Variants in MRPS2 observed in about 807,000 individuals in gnomAD.
MRPS2 encodes mitochondrial ribosomal protein S2.
Under a neutral mutation model 18.9 loss-of-function variants are expected in MRPS2, and 13 were observed. The ratio of observed to expected loss-of-function variants is 0.69; its 90% CI spans 0.45 to 1.09. MRPS2 has a LOEUF of 1.09. MRPS2 is among the 50% of genes least tolerant of loss of function. The probability of loss-of-function intolerance (pLI) is 0.00; values close to 1 mark genes in which losing one functional copy is unlikely to be tolerated. For missense variants in MRPS2, 389 were observed against 421.7 expected (o/e 0.92, Z 0.68); for synonymous variants, 186 against 178.4 (o/e 1.04, Z -0.34).
At position 135,502,101 on chromosome 9, in the gene MRPS2, A is replaced by G. The variant is rs561194384; in HGVS notation, c.299+128A>G. 3.4e-5 allele frequency: 51 copies of G among 1,488,414 alleles called. No homozygotes were observed. The East Asian group carries it at 1.1e-3, about 33-fold the overall frequency. The allele number at this position is 1,488,414 out of a possible 1,614,324, so 92.2% of individuals were successfully genotyped here. A position where few individuals can be genotyped will look rare whatever the true frequency, so the allele number is the denominator to read the frequency against. On this transcript the variant is annotated intron_variant, in intron 3 of 3. Transcript: ENST00000241600. ...TGATTACAGCCCCATCCTCCTCCACATGGGAATACAGAGCCCCACAGAGAA... is the reference window on the plus strand; with the variant it reads ...TGATTACAGCCCCATCCTCCTCCACGTGGGAATACAGAGCCCCACAGAGAA...
chr9:135,500,793 A>T, intron 1 of MRPS2, 40 bp downstream of exon 1: 1 of 1,489,354 alleles, frequency 6.7e-7, no homozygotes. Flanking sequence ...GGAGCATGCG[A>T]GGAGGATGCG....
intron 3 of MRPS2, chr9:135,503,113 A>C (rs1265843549): frequency 4.9e-6 from 5 of 1,027,388 alleles, no homozygotes; most frequent in Non-Finnish European, 5.8e-6. Flanking sequence ...TCCTGCCCTG[A>C]TCCCTTAATG....
Position 135,504,277 on chromosome 9 carries a change from G to A in MRPS2, c.*144G>A. 1 of 807,538 alleles carries A rather than the reference G, an allele frequency of 1.2e-6. No individual in the cohort carries two copies. Among genetic ancestry groups the A allele is most frequent in the Non-Finnish European group, 1.9e-6 (1 of 526,066 alleles). The allele number at this position is 807,538 out of a possible 1,614,324, so 50.0% of individuals were successfully genotyped here. Reference sequence around the variant, plus strand: ...TGCAGACATCCACCGTTCCACCACAGAACCAGTGGCTGAGCGGACCAACGT... The same window carrying A: ...TGCAGACATCCACCGTTCCACCACAAAACCAGTGGCTGAGCGGACCAACGT... On this transcript the variant is annotated 3_prime_UTR_variant, in exon 4 of 4. Transcript: ENST00000241600. This position sits in a 1 kb window ranked among gnomAD's most constrained non-coding sequence, Gnocchi z 4.3.
intron 1 of MRPS2, 74 bp from the exon 2 acceptor site, chr9:135,500,924 G>A (rs757335827): frequency 1.3e-6 from 2 of 1,595,492 alleles, no homozygotes; most frequent in Admixed American, 1.7e-5. Flanking sequence ...GGAGGGGCCC[G>A]TTGGGGATGC....
At chr9:135,503,278 G>A (rs1009571840) in intron 3 of MRPS2, 25 of 1,350,210 alleles carry the variant, frequency 1.9e-5, no homozygotes, top group Non-Finnish European at 2.1e-5. Context: ...ATCCATATGG[G>A]GTCAGTTCTA....
chr9:135,503,150 T>C, intron 3 of MRPS2: 1 of 1,065,264 alleles, frequency 9.4e-7, no homozygotes, highest in Non-Finnish European at 1.1e-6. Context: ...CCCCGCTAAG[T>C]CCAACCCCAG....
At chr9:135,500,612 G>A, upstream of MRPS2, 1 of 1,295,728 alleles carries the variant, frequency 7.7e-7, no homozygotes, top group Non-Finnish European at 1.0e-6. Flanking sequence ...GCTCCTCCGG[G>A]CCTGTAGGCG....
At chr9:135,502,373 G>C in intron 3 of MRPS2, 2 of 415,184 alleles carry the variant, frequency 4.8e-6, no homozygotes, top group Non-Finnish European at 6.8e-6. Flanking sequence ...GAGGGGATGG[G>C]AGGGGCAGGT....
intron 2 of MRPS2, chr9:135,501,501 GC>G: frequency 1.2e-6 from 1 of 813,318 alleles, no homozygotes; most frequent in Non-Finnish European, 1.6e-6. Flanking sequence ...TTTCTGGCTG[GC>G]CACCTGAGAC....
At chr9:135,500,021 G>C (rs1831075772), upstream of MRPS2, 3 of 734,390 alleles carry the variant, frequency 4.1e-6, no homozygotes, top group Non-Finnish European at 6.2e-6. Flanking sequence ...GGGAAGGTCG[G>C]GACGGCGAGA....
At chr9:135,501,410 C>A in intron 2 of MRPS2, 1 of 1,227,638 alleles carries the variant, frequency 8.1e-7, no homozygotes, top group Non-Finnish European at 1.0e-6. Flanking sequence ...CCCGGAGCCC[C>A]GAGCTCGCCC....
rs750930248 is a variant in MRPS2, at chr9:135,503,572, C to A, written c.330C>A (p.Arg110=). 6.2e-7 allele frequency: 1 copy of A among 1,613,614 alleles called. No individual in the cohort carries two copies. The highest frequency in any genetic ancestry group is 1.7e-5 in the Admixed American group (1 of 60,026). The part of the protein sequence containing the change: ...RFMEPYIFGS[R]LDHDIIDLEQ... ...TGGAGCCGTACATCTTTGGGAGCCG[C>A]CTGGACCACGACATCATCGACCTGG... Residue 110 remains arginine, a synonymous_variant, in exon 4 of 4, where the codon CGC becomes CGA. Transcript: ENST00000241600.
intron 3 of MRPS2, chr9:135,503,047 C>G: frequency 1.0e-6 from 1 of 958,522 alleles, no homozygotes; most frequent in African/African-American, 1.8e-5. Context: ...TTTCTCAGCC[C>G]AGGCCAGCAG....
rs768408278 is a variant in MRPS2, at chr9:135,500,928, G to T, written c.44-70G>T. ...GTTAGGGACGCGGAGGGGCCCGTTG[G>T]GGATGCGGTGGGGAGCGGGCGTGGT... On this transcript the variant is annotated intron_variant, in intron 1 of 3. Transcript: ENST00000241600. 23 of 1,595,964 alleles carry T rather than the reference G, an allele frequency of 1.4e-5. No homozygotes were observed. In the African/African-American group the frequency reaches 3.0e-4, roughly 20 times the overall value.
chr9:135,501,422 G>C, intron 2 of MRPS2: 1 of 1,182,416 alleles, frequency 8.5e-7, no homozygotes, highest in Non-Finnish European at 1.1e-6. Context: ...AGCTCGCCCA[G>C]GCGGGCCCAA....
chr9:135,501,232 G>A (rs1176917084), intron 2 of MRPS2, 109 bp downstream of exon 2: 7 of 1,444,466 alleles, frequency 4.8e-6, no homozygotes, highest in Non-Finnish European at 6.3e-6. Context: ...GAAACTGCGC[G>A]CTCCGCTGGG....
At chr9:135,500,902 C>T in intron 1 of MRPS2, 96 bp from the exon 2 acceptor site, 5 of 1,574,134 alleles carry the variant, frequency 3.2e-6, no homozygotes, top group Non-Finnish European at 4.3e-6. Context: ...GGAGGGGACC[C>T]GTTAGGGACG....
chr9:135,502,912 G>A (rs1831185170), intron 3 of MRPS2, among the ~76,000 whole-genome samples: 1 of 152,194 alleles, frequency 6.6e-6, no homozygotes, highest in Non-Finnish European at 1.5e-5. Context: ...TTGATGGGCA[G>A]GGTTGCTTGA....
chr9:135,504,292 C>A lies in MRPS2; in HGVS notation c.*159C>A. On this transcript the variant is annotated 3_prime_UTR_variant, in exon 4 of 4. Coordinates refer to ENST00000241600, the MANE Select transcript of MRPS2 (RefSeq NM_016034.5). The surrounding 1 kb of genome is among the most constrained non-coding windows in gnomAD (Gnocchi z 4.3). ...TTCCACCACAGAACCAGTGGCTGAGCGGACCAACGTTGCCATGTGCGTTTG... is the reference window on the plus strand; with the variant it reads ...TTCCACCACAGAACCAGTGGCTGAGAGGACCAACGTTGCCATGTGCGTTTG... The A allele has an allele frequency of 1.4e-6, 1 of 711,040 alleles. No homozygotes were observed. Among genetic ancestry groups the A allele is most frequent in the Non-Finnish European group, 2.3e-6 (1 of 438,106 alleles). 44.0% of individuals were successfully genotyped at this position (711,040 alleles called of 1,614,324 possible).
Sources: gnomAD v4.1 joint callset for allele counts (sites outside exome capture counted in the v4.1 genomes callset) on GRCh38, gnomAD v4.1.1 for gene constraint, Gnocchi (gnomAD v3.1) non-coding constraint, MANE v1.5 for transcripts, NCBI Gene and HGNC (gene_info 2026-07-23, HGNC 2026-07-21) for gene names.